PATJ: variants seen among roughly 807,000 people sequenced by gnomAD.
PATJ encodes the protein inaD-like protein.
A neutral mutation model predicts 224.9 loss-of-function variants in PATJ; 190 were observed. That is an observed-to-expected ratio of 0.84 (90% CI 0.75 to 0.95). The LOEUF (loss-of-function observed/expected upper bound fraction) is 0.95. PATJ is among the 40% of genes least tolerant of loss of function. The probability of loss-of-function intolerance (pLI) is 0.00; values close to 1 mark genes in which losing one functional copy is unlikely to be tolerated. For synonymous variants in PATJ, 769 were observed against 820.3 expected, an observed-to-expected ratio of 0.94 and a Z score of 1.07; for missense variants, 2,121 against 2,270.3, an observed-to-expected ratio of 0.93 and a Z score of 1.34.
chr1:62,150,949 C>T (rs1056390533), intron 42 of PATJ, among the ~76,000 whole-genome samples: 3 of 151,722 alleles, frequency 2.0e-5, no homozygotes, highest in African/African-American at 7.3e-5. Flanking sequence ...TCAAGACCAG[C>T]CTGACCATGG....
chr1:62,019,701 C>T (rs1467934752), intron 29 of PATJ, among the ~76,000 whole-genome samples: 1 of 151,880 alleles, frequency 6.6e-6, no homozygotes, highest in Admixed American at 6.6e-5. Flanking sequence ...ACACCAGTCT[C>T]CTTTTTGGTT....
At chr1:61,974,499 C>T (rs1261930670) in intron 27 of PATJ, among the ~76,000 whole-genome samples, 5 of 148,986 alleles carry the variant, frequency 3.4e-5, no homozygotes, top group Non-Finnish European at 7.4e-5. Flanking sequence ...CTGCAACCTC[C>T]ACCTCCCAGG....
chr1:61,914,683 G>T lies in PATJ; in HGVS notation c.3570+19G>T, dbSNP rs1422241309. The T allele has an allele frequency of 3.4e-6, 5 of 1,450,860 alleles. No homozygotes were observed. The Admixed American group carries it at 7.7e-5, about 22-fold the overall frequency. The allele number at this position is 1,450,860 out of a possible 1,614,324, so 89.9% of individuals were successfully genotyped here. ...AGAAAAGGTAACTTGAACCTCTCAA[G>T]GATTTAAAAAATGTTTTTGTTTTGT... On this transcript the variant is annotated intron_variant, in intron 26 of 43. Transcript: ENST00000642238.
intron 24 of PATJ, among the ~76,000 whole-genome samples, chr1:61,902,020 T>TTGAGGTCAG (rs1464558345): frequency 2.0e-5 from 3 of 152,012 alleles, no homozygotes; most frequent in Non-Finnish European, 4.4e-5. Context: ...GTCAGGAGTT[T>TTGAGGTCAG]GAGAGTAGCT....
chr1:62,052,806 G>T (rs948028784), intron 31 of PATJ, among the ~76,000 whole-genome samples: 2 of 152,026 alleles, frequency 1.3e-5, no homozygotes, highest in African/African-American at 2.4e-5. Context: ...TTTCCAAAAG[G>T]TAGAGTGCAT....
At chr1:61,946,719 T>C (rs1263792114) in intron 27 of PATJ, among the ~76,000 whole-genome samples, 2 of 152,124 alleles carry the variant, frequency 1.3e-5, no homozygotes, top group Non-Finnish European at 2.9e-5. Flanking sequence ...TCATTTTATG[T>C]GGCCAACATC....
At chr1:62,119,558 G>T (rs1664821561) in intron 37 of PATJ, among the ~76,000 whole-genome samples, 1 of 152,166 alleles carries the variant, frequency 6.6e-6, no homozygotes, top group Non-Finnish European at 1.5e-5. Context: ...AAACCAGGAA[G>T]AAATTTCCTT....
intron 28 of PATJ, among the ~76,000 whole-genome samples, chr1:61,994,642 C>T (rs1270112489): frequency 3.9e-5 from 6 of 152,058 alleles, no homozygotes; most frequent in African/African-American, 1.4e-4. Context: ...GCAACCTCCA[C>T]CTCCCAGGTT....
intron 18 of PATJ, among the ~76,000 whole-genome samples, chr1:61,858,893 A>G (rs1664123234): frequency 6.6e-6 from 1 of 152,202 alleles, no homozygotes; most frequent in African/African-American, 2.4e-5. Context: ...TATAGCACAT[A>G]GCTAAGTAAG....
intron 7 of PATJ, among the ~76,000 whole-genome samples, chr1:61,776,581 C>T (rs1039765464): frequency 2.0e-5 from 3 of 152,066 alleles, no homozygotes; most frequent in African/African-American, 7.2e-5. Flanking sequence ...GAAGTACCAC[C>T]TAGCATTCTT....
chr1:62,122,363 T>TA (rs58555932), intron 38 of PATJ, among the ~76,000 whole-genome samples: 6,283 of 81,366 alleles, frequency 0.077, 360 homozygotes, highest in African/African-American at 0.17. Context: ...AGACTCCATC[T>TA]AAAAAAAAAA....
At chr1:61,825,148 C>G (rs1000747003) in intron 15 of PATJ, among the ~76,000 whole-genome samples, 1 of 152,076 alleles carries the variant, frequency 6.6e-6, no homozygotes, top group Non-Finnish European at 1.5e-5. Context: ...AATGAAATAC[C>G]ATCCATGTAA....
chr1:62,120,006 A>G (rs971348767), intron 37 of PATJ, among the ~76,000 whole-genome samples: 1 of 152,206 alleles, frequency 6.6e-6, no homozygotes, highest in Non-Finnish European at 1.5e-5. Flanking sequence ...TTTAAAGGCA[A>G]AAGTTATAAT....
chr1:62,055,071 A>C (rs1387170306), intron 31 of PATJ, among the ~76,000 whole-genome samples: 5 of 152,150 alleles, frequency 3.3e-5, no homozygotes, highest in Admixed American at 3.3e-4. Context: ...AGAAAAAAAA[A>C]TTTAAGTTTT....
intron 14 of PATJ, among the ~76,000 whole-genome samples, chr1:61,810,678 C>G (rs1292281528): frequency 6.6e-6 from 1 of 150,662 alleles, no homozygotes; most frequent in Non-Finnish European, 1.5e-5. Context: ...GCCTGGGCAA[C>G]AGAGCGAGAC....
chr1:61,858,513 TG>T (rs927095894), intron 18 of PATJ, among the ~76,000 whole-genome samples: 3 of 152,146 alleles, frequency 2.0e-5, no homozygotes, highest in Non-Finnish European at 4.4e-5. Flanking sequence ...CCACCTGCCT[TG>T]GCCTCCCAAA....
At chr1:61,809,702 G>T (rs1313101910) in intron 14 of PATJ, among the ~76,000 whole-genome samples, 2 of 151,560 alleles carry the variant, frequency 1.3e-5, no homozygotes, top group Non-Finnish European at 2.9e-5. Flanking sequence ...TGTATTTTCT[G>T]CATCCCATGA....
At chr1:61,773,275 G>T (rs1325969047) in intron 6 of PATJ, among the ~76,000 whole-genome samples, 2 of 151,934 alleles carry the variant, frequency 1.3e-5, no homozygotes. Flanking sequence ...GCCCACCTCG[G>T]CTTCCAAAAG....
intron 27 of PATJ, among the ~76,000 whole-genome samples, chr1:61,952,603 T>C (rs1679881221): frequency 1.3e-5 from 2 of 152,250 alleles, no homozygotes; most frequent in South Asian, 2.1e-4. Context: ...CCTGCAATTT[T>C]CTTTCATGTG....
Sources: gnomAD v4.1 joint callset for allele counts (sites outside exome capture counted in the v4.1 genomes callset) on GRCh38, gnomAD v4.1.1 for gene constraint, MANE v1.5 for transcripts, NCBI Gene and HGNC (gene_info 2026-07-23, HGNC 2026-07-21) for gene names.